PTPRA: variants seen among roughly 807,000 people sequenced by gnomAD.
PTPRA encodes the protein receptor-type tyrosine-protein phosphatase alpha.
PTPRA carries 25 observed loss-of-function variants against 104.8 expected under a neutral mutation model. The observed-to-expected ratio is 0.24, with a 90% CI of 0.17 to 0.33. The LOEUF (loss-of-function observed/expected upper bound fraction) is 0.33, where lower values mean the gene tolerates loss of function less well. PTPRA is among the 10% of genes least tolerant of loss of function. The pLI is 1.00. For synonymous variants in PTPRA, 323 were observed against 368.9 expected (o/e 0.88, Z 1.43); for missense variants, 765 against 1,015.3 (o/e 0.75, Z 3.35).
At chr20:2,909,922 AT>A (rs1391069277) in intron 1 of PTPRA, among the ~76,000 whole-genome samples, 1 of 126,470 alleles carries the variant, frequency 7.9e-6, no homozygotes, top group East Asian at 2.0e-4. Flanking sequence ...TATGTTATAT[AT>A]TGTTATATAT....
At chr20:2,865,290 C>T in the PTPRA span, 1 of 1,614,018 alleles carries the variant, frequency 6.2e-7, no homozygotes, top group Non-Finnish European at 8.5e-7. This position sits in a 1 kb window ranked among gnomAD's most constrained non-coding sequence, Gnocchi z 5.2. Context: ...GAGCAGCTGG[C>T]ACGTGACTTC....
chr20:2,989,819 C>T (rs1217607148), intron 9 of PTPRA, among the ~76,000 whole-genome samples: 1 of 152,104 alleles, frequency 6.6e-6, no homozygotes, highest in South Asian at 2.1e-4. Flanking sequence ...AGATCGAGAC[C>T]ATCCTGGCTA....
At chr20:3,016,342 G>A (rs1177445483) in intron 12 of PTPRA, among the ~76,000 whole-genome samples, 1 of 152,168 alleles carries the variant, frequency 6.6e-6, no homozygotes, top group Non-Finnish European at 1.5e-5. Flanking sequence ...TCAGATCAGG[G>A]ACCCAGCACC....
intron 1 of PTPRA, among the ~76,000 whole-genome samples, chr20:2,874,019 T>A (rs1238287517): frequency 1.3e-5 from 2 of 152,232 alleles, no homozygotes; most frequent in Non-Finnish European, 2.9e-5. Flanking sequence ...TGCGTCCTTC[T>A]GGGACCAGGC....
intron 1 of PTPRA, among the ~76,000 whole-genome samples, chr20:2,919,477 A>G (rs193216825): frequency 3.9e-5 from 6 of 152,340 alleles, no homozygotes; most frequent in African/African-American, 1.2e-4. Flanking sequence ...AAGATTGCCT[A>G]CAGTGTACTG....
chr20:2,922,143 G>A (rs754527670), intron 1 of PTPRA, among the ~76,000 whole-genome samples: 9 of 152,294 alleles, frequency 5.9e-5, no homozygotes, highest in Non-Finnish European at 1.0e-4. Context: ...CATAGTCCAA[G>A]TTTTGGGACA....
At chr20:2,947,909 A>G (rs1039150691) in intron 2 of PTPRA, 73 bp from the exon 3 acceptor site, 166 of 619,094 alleles carry the variant, frequency 2.7e-4, no homozygotes, top group Non-Finnish European at 1.1e-4. Flanking sequence ...AATTTCTGTC[A>G]ATAGGAGGTT....
chr20:2,954,234 C>T (rs918027078), intron 3 of PTPRA, among the ~76,000 whole-genome samples: 5 of 151,966 alleles, frequency 3.3e-5, no homozygotes, highest in African/African-American at 7.2e-5. Context: ...CCCGCCACCA[C>T]GCCTGGCTAA....
At chr20:3,038,005 G>T in intron 23 of PTPRA, 54 bp from the exon 24 acceptor site, 1 of 1,421,446 alleles carries the variant, frequency 7.0e-7, no homozygotes, top group Admixed American at 1.8e-5. Flanking sequence ...AGGAATTACA[G>T]GTACTGTGTG....
Position 3,035,790 on chromosome 20 carries a change from G to A in PTPRA, c.2047G>A (p.Glu683Lys), listed in dbSNP as rs777369034. The A allele has an allele frequency of 2.5e-6, 4 of 1,613,982 alleles. No individual in the cohort carries two copies. The Admixed American group carries it at 6.7e-5, about 27-fold the overall frequency. The change falls in exon 22 of 24, where the codon GAG (glutamate) becomes AAG (lysine). Residue 683 changes from glutamate (E) to lysine (K), a missense_variant and splice_region_variant. Physicochemically the swap from Glu to Lys is moderately conservative, Grantham distance 56. Transcript: ENST00000399903. The surrounding 1 kb of genome is among the most constrained non-coding windows in gnomAD (Gnocchi z 5.8). ...VRDLLVTNTR[E>K]NKSRQIRQFH... is the part of the protein sequence containing the mutation. ...CTCCCTGATCCCCTTTTTTCCAAAG[G>A]AGAATAAGAGCCGGCAGATCCGGCA...
At chr20:2,886,080 A>C (rs1461378394) in intron 1 of PTPRA, among the ~76,000 whole-genome samples, 1 of 152,210 alleles carries the variant, frequency 6.6e-6, no homozygotes. Context: ...AAAAGACTTG[A>C]ATGAAACATA....
chr20:2,884,497 G>C (rs1438887331), intron 1 of PTPRA, among the ~76,000 whole-genome samples: 1 of 152,034 alleles, frequency 6.6e-6, no homozygotes, highest in East Asian at 1.9e-4. Flanking sequence ...ATCTCATTGT[G>C]GTTTTTATTT....
chr20:2,922,145 T>G (rs576034776), intron 1 of PTPRA, among the ~76,000 whole-genome samples: 1 of 152,236 alleles, frequency 6.6e-6, no homozygotes, highest in East Asian at 1.9e-4. Context: ...TAGTCCAAGT[T>G]TTGGGACAGG....
intron 9 of PTPRA, among the ~76,000 whole-genome samples, chr20:2,998,950 ATAAT>A (rs1390779727): frequency 3.6e-5 from 5 of 139,690 alleles, no homozygotes; most frequent in African/African-American, 1.5e-4. Context: ...TGACATATTT[ATAAT>A]TAATAAATAT....
At chr20:2,944,064 A>G (rs1259926075) in intron 2 of PTPRA, among the ~76,000 whole-genome samples, 1 of 139,942 alleles carries the variant, frequency 7.1e-6, no homozygotes, top group Non-Finnish European at 1.5e-5. Context: ...TTTTTTAGAC[A>G]GGGTCTCACT....
intron 1 of PTPRA, among the ~76,000 whole-genome samples, chr20:2,897,873 G>A (rs545147282): frequency 2.0e-5 from 3 of 149,608 alleles, no homozygotes; most frequent in South Asian, 2.1e-4. Context: ...TTTCAGGCTG[G>A]CTCCTGTGTC....
chr20:2,939,119 C>T (rs2060811158), intron 2 of PTPRA, among the ~76,000 whole-genome samples: 1 of 152,094 alleles, frequency 6.6e-6, no homozygotes, highest in Non-Finnish European at 1.5e-5. Context: ...TCTGTGCTAC[C>T]GAAAGGCCAG....
chr20:2,927,560 G>A (rs756597911), intron 2 of PTPRA, among the ~76,000 whole-genome samples: 2 of 152,134 alleles, frequency 1.3e-5, no homozygotes, highest in Non-Finnish European at 2.9e-5. Context: ...TAGGCTAGTC[G>A]TACACTCCAA....
In PTPRA at chr20:2,881,122, C is replaced by A. The variant is rs150123768; in HGVS notation, c.-129+7362C>A. Among the ~76,000 whole-genome samples, 500 of 151,974 alleles carry A rather than the reference C, an allele frequency of 3.3e-3. 2 individuals are homozygous for A. Among genetic ancestry groups the A allele is most frequent in the South Asian group, 0.027 (128 of 4,812 alleles). ...AAGAGATCGAGACCATCCTGGCCAA[C>A]ACAGTGAAACCCCATCTCTACTAAA... is the stretch of plus-strand genomic sequence containing the variant. On this transcript the variant is annotated intron_variant, in intron 1 of 23. Transcript: ENST00000399903.
Sources: allele counts gnomAD v4.1 joint callset (sites outside exome capture counted in the v4.1 genomes callset), GRCh38; gene constraint gnomAD v4.1.1; non-coding constraint Gnocchi (gnomAD v3.1); transcripts MANE v1.5; gene names NCBI Gene and HGNC (gene_info 2026-07-23, HGNC 2026-07-21).